Variants in CFLAR observed in about 807,000 individuals in gnomAD.
CFLAR encodes the protein CASP8 and FADD like apoptosis regulator, also known as CASP8 and FADD-like apoptosis regulator.
In CFLAR, 14 loss-of-function variants were observed where a neutral mutation model predicts 51.1. The observed-to-expected ratio is 0.27, with a 90% CI of 0.18 to 0.43. The LOEUF (loss-of-function observed/expected upper bound fraction) is 0.43, where lower values mean the gene tolerates loss of function less well. Ranked by LOEUF, CFLAR falls within the 20% of genes least tolerant of loss-of-function variation. The probability of loss-of-function intolerance (pLI) is 1.00; values close to 1 mark genes in which losing one functional copy is unlikely to be tolerated. For synonymous variants in CFLAR, 210 were observed against 211.6 expected, an observed-to-expected ratio of 0.99 and a Z score of 0.06; for missense variants, 390 against 566.5, an observed-to-expected ratio of 0.69 and a Z score of 3.16.
intron 9 of CFLAR, among the ~76,000 whole-genome samples, chr2:201,161,648 C>T (rs1291283483): frequency 1.3e-5 from 2 of 151,780 alleles, no homozygotes; most frequent in Admixed American, 6.6e-5. Context: ...CTCCTGACCT[C>T]AGGTGATCTG....
chr2:201,163,349 G>T, intron 9 of CFLAR: 1 of 1,172,840 alleles, frequency 8.5e-7, no homozygotes, highest in Non-Finnish European at 1.1e-6. Context: ...GCCTTTTTCA[G>T]TTGCACTCTA....
intron 8 of CFLAR, among the ~76,000 whole-genome samples, chr2:201,156,840 A>G (rs931512758): frequency 1.5e-4 from 22 of 151,274 alleles, no homozygotes; most frequent in Non-Finnish European, 3.2e-4. Context: ...GGTCTTCTGT[A>G]GTTTGTTGAA....
chr2:201,160,873 T>C lies in CFLAR; in HGVS notation c.1235T>C (p.Leu412Pro). ...AGCCTGTGTACTGCGGACATGTCCC[T>C]GCTGGAGCAGTCTCACAGCTCACCA... ...FWSLCTADMS[L>P]LEQSHSSPSL... Residue 412 changes from leucine (L) to proline (P), a missense_variant, in exon 9 of 10, where the codon CTG (leucine) becomes CCG (proline). By Grantham distance (98) the Leu-to-Pro change is moderately conservative. Around this residue, in one of 2 missense-constraint regions of CFLAR, gnomAD observed 287 missense variants for 363.6 expected, o/e 0.79. Coordinates refer to ENST00000309955, the MANE Select transcript of CFLAR (RefSeq NM_003879.7). The C allele has an allele frequency of 6.2e-7, 1 of 1,612,512 alleles. No homozygotes were observed. The highest frequency in any genetic ancestry group is 8.5e-7 in the Non-Finnish European group (1 of 1,178,944).
chr2:201,130,711 G>T (rs993970729), intron 2 of CFLAR, among the ~76,000 whole-genome samples: 2 of 152,070 alleles, frequency 1.3e-5, no homozygotes, highest in African/African-American at 4.8e-5. Context: ...CAGGTAGAAG[G>T]GCAGCTGGTA....
At chr2:201,147,670 C>A (rs1940485742) in intron 6 of CFLAR, 1 of 152,120 alleles carries the variant, frequency 6.6e-6, no homozygotes, top group African/African-American at 2.4e-5. Flanking sequence ...GAGTTGGAGA[C>A]CAGCCTGACC....
intron 4 of CFLAR, chr2:201,137,998 G>A (rs532712600): frequency 4.1e-6 from 3 of 738,820 alleles, no homozygotes; most frequent in African/African-American, 3.4e-5. Flanking sequence ...CCAAAGTTCT[G>A]GGTATGCTTG....
At chr2:201,123,322 A>G (rs1232123648) in intron 1 of CFLAR, among the ~76,000 whole-genome samples, 1 of 152,208 alleles carries the variant, frequency 6.6e-6, no homozygotes, top group Non-Finnish European at 1.5e-5. Context: ...CTGCTATAAC[A>G]AAATACCCAC....
At chr2:201,143,124 T>C (rs1370938919) in intron 5 of CFLAR, among the ~76,000 whole-genome samples, 8 of 152,370 alleles carry the variant, frequency 5.3e-5, no homozygotes, top group Admixed American at 2.6e-4. Context: ...TTCATTGCTA[T>C]GTAGCCTGTT....
Position 201,172,135 on chromosome 2 carries a change from A to G in CFLAR, c.*8162A>G, listed in dbSNP as rs984281323. 1 of 152,178 alleles carries G rather than the reference A, an allele frequency of 6.6e-6. No individual in the cohort carries two copies. Among genetic ancestry groups the G allele is most frequent in the Non-Finnish European group, 1.5e-5 (1 of 68,036 alleles). The allele number at this position is 152,178 out of a possible 1,614,324, so 9.4% of individuals were successfully genotyped here. ...GCTGTAGCTCAAGTGCAGAATTCTCATCAGTTTTATCTTTATATCTCTCCT... is the reference window on the plus strand; with the variant it reads ...GCTGTAGCTCAAGTGCAGAATTCTCGTCAGTTTTATCTTTATATCTCTCCT... On this transcript the variant is annotated 3_prime_UTR_variant, in exon 10 of 10. Coordinates refer to ENST00000309955, the MANE Select transcript of CFLAR (RefSeq NM_003879.7).
At chr2:201,159,575 G>T (rs887744504) in intron 8 of CFLAR, among the ~76,000 whole-genome samples, 1 of 152,168 alleles carries the variant, frequency 6.6e-6, no homozygotes, top group African/African-American at 2.4e-5. Context: ...CTCCCAAAGT[G>T]CTGGGATTAC....
intron 8 of CFLAR, among the ~76,000 whole-genome samples, chr2:201,158,927 G>GATCC (rs1324551440): frequency 6.6e-6 from 1 of 151,096 alleles, no homozygotes; most frequent in Non-Finnish European, 1.5e-5. Flanking sequence ...GCCCAGGCTG[G>GATCC]AGTGCAGTGG....
chr2:201,162,765 A>C (rs1943188773), intron 9 of CFLAR: 6 of 398,070 alleles, frequency 1.5e-5, no homozygotes, highest in South Asian at 9.6e-5. Context: ...GCCTGCCATC[A>C]CTTTATAACC....
chr2:201,154,038 G>C (rs1941744230), intron 8 of CFLAR: 1 of 228,358 alleles, frequency 4.4e-6, no homozygotes, highest in Non-Finnish European at 8.9e-6. Flanking sequence ...CTGAGTAGCT[G>C]GGATTACAGG....
chr2:201,145,396 A>G lies in CFLAR; in HGVS notation c.625A>G (p.Lys209Glu), dbSNP rs771556544. ...NNFRLHNGRS[K>E]EQRLKEQLGA... is the part of the protein sequence containing the mutation. ...TTTGAAGCTCCATAATGGGAGAAGT[A>G]AAGAACAAAGACTTAAGGAACAGCT... The change falls in exon 6 of 10, where the codon AAA becomes GAA. Residue 209 changes from lysine to glutamate, a missense_variant. Physicochemically the swap from Lys to Glu is moderately conservative, Grantham distance 56. This residue lies in a region of CFLAR where 287 missense variants were observed against 363.6 expected (regional missense o/e 0.79). Coordinates refer to ENST00000309955, the MANE Select transcript of CFLAR (RefSeq NM_003879.7). 1 of 1,607,162 alleles carries G rather than the reference A, an allele frequency of 6.2e-7. No individual in the cohort carries two copies. The highest frequency in any genetic ancestry group is 1.7e-5 in the Admixed American group (1 of 59,866).
chr2:201,141,451 C>G, intron 5 of CFLAR: 1 of 1,549,672 alleles, frequency 6.5e-7, no homozygotes, highest in South Asian at 1.2e-5. Context: ...GGAACTGCCT[C>G]TACTTAATCA....
In CFLAR at chr2:201,173,656, A is replaced by G. The variant is rs1021052024; in HGVS notation, c.*9683A>G. 1.4e-5 allele frequency: 2 copies of G among 138,550 alleles called. No individual in the cohort carries two copies. Among genetic ancestry groups the G allele is most frequent in the African/African-American group, 6.8e-5 (2 of 29,342 alleles). 8.6% of individuals were successfully genotyped at this position (138,550 alleles called of 1,614,324 possible). ...TGTGCCTGGCCTCAAGTCCTTTCTC[A>G]TTTTAAAACTGCGTTATTTTATTTT... On this transcript the variant is annotated 3_prime_UTR_variant, in exon 10 of 10. Transcript: ENST00000309955.
chr2:201,127,214 A>G lies in CFLAR; in HGVS notation c.-137-2515A>G, dbSNP rs143937873. On this transcript the variant is annotated intron_variant, in intron 1 of 9. Coordinates refer to ENST00000309955, the MANE Select transcript of CFLAR (RefSeq NM_003879.7). ...GTATTTGAAAGCAGGGAAGAAAAAT[A>G]ATTGGACTTGGATATTCCTTTGCCC... Among the ~76,000 whole-genome samples, 1,399 of 152,294 alleles carry G rather than the reference A, an allele frequency of 9.2e-3. 7 individuals carry two copies. Among genetic ancestry groups the G allele is most frequent in the Middle Eastern group, 0.034 (10 of 294 alleles).
chr2:201,143,660 T>C (rs972596166), intron 5 of CFLAR, among the ~76,000 whole-genome samples: 1 of 151,998 alleles, frequency 6.6e-6, no homozygotes, highest in East Asian at 1.9e-4. Context: ...TACCACAAGA[T>C]ATTATAGAAT....
chr2:201,172,843 A>C lies in CFLAR; in HGVS notation c.*8870A>C, dbSNP rs528002955. On this transcript the variant is annotated 3_prime_UTR_variant, in exon 10 of 10. Coordinates refer to ENST00000309955, the MANE Select transcript of CFLAR (RefSeq NM_003879.7). ...TTCCACTTTTTTGCTATTATGGATG[A>C]TGCTGCTATGAATATTCGTATATGA... 1.3e-5 allele frequency: 2 copies of C among 152,314 alleles called. No homozygotes were observed. Among genetic ancestry groups the C allele is most frequent in the Admixed American group, 1.3e-4 (2 of 15,298 alleles). 9.4% of individuals were successfully genotyped at this position (152,314 alleles called of 1,614,324 possible).
Sources: gnomAD v4.1 joint callset for allele counts (sites outside exome capture counted in the v4.1 genomes callset) on GRCh38, gnomAD v4.1.1 for gene constraint, gnomAD v4.1.1 regional missense constraint, MANE v1.5 for transcripts, NCBI Gene and HGNC (gene_info 2026-07-23, HGNC 2026-07-21) for gene names.